Variants in G3BP2 observed in about 807,000 individuals in gnomAD.
The protein encoded by G3BP2 is ras GTPase-activating protein-binding protein 2.
A neutral mutation model predicts 56.7 loss-of-function variants in G3BP2; 11 were observed. The observed-to-expected ratio is 0.19, with a 90% CI of 0.12 to 0.32. The LOEUF is 0.32. G3BP2 is among the 10% of genes least tolerant of loss of function. G3BP2 has a pLI of 1.00. For synonymous variants in G3BP2, 165 were observed against 191.6 expected (o/e 0.86, Z 1.15); for missense variants, 340 against 610.9 (o/e 0.56, Z 4.67).
chr4:75,676,942 CCTTT>C (rs1733898805), upstream of G3BP2, among the ~76,000 whole-genome samples: 1 of 149,044 alleles, frequency 6.7e-6, no homozygotes, highest in Admixed American at 6.7e-5. Flanking sequence ...GCCAGCTCTT[CCTTT>C]GACATTCTCA....
At chr4:75,673,517 G>A (rs1733691789), upstream of G3BP2, 5 of 1,232,146 alleles carry the variant, frequency 4.1e-6, no homozygotes, top group Non-Finnish European at 5.1e-6. Context: ...CTCCAGAGCC[G>A]GACCCAACCT....
chr4:75,645,113 G>T lies in G3BP2; in HGVS notation c.*317C>A, dbSNP rs888780744. On this transcript the variant is annotated 3_prime_UTR_variant, in exon 12 of 12. Transcript: ENST00000359707. ...CACTTAAACAAAATGTGCAGCAGAA[G>T]ATTTTTTTTTTACTCAAAGGACCTG... 1.7e-5 allele frequency: 5 copies of T among 291,702 alleles called. No individual in the cohort carries two copies. The highest frequency in any genetic ancestry group is 8.8e-5 in the African/African-American group (4 of 45,418). The allele number at this position is 291,702 out of a possible 1,614,324, so 18.1% of individuals were successfully genotyped here.
At chr4:75,688,126 C>T (rs1188605349) in intron 3 of G3BP2, among the ~76,000 whole-genome samples, 1 of 152,080 alleles carries the variant, frequency 6.6e-6, no homozygotes, top group Non-Finnish European at 1.5e-5. Flanking sequence ...ATTTTGCTGG[C>T]TTATGGTCTC....
chr4:75,690,419 C>G (rs1367080883), intron 3 of G3BP2, among the ~76,000 whole-genome samples: 2 of 136,676 alleles, frequency 1.5e-5, no homozygotes, highest in Non-Finnish European at 3.1e-5. Context: ...GCAACAAGAG[C>G]AAAACTCCAT....
Position 75,657,737 on chromosome 4 carries a change from TAGGG to T in G3BP2, c.178-11_178-8del. ...ATACTTTGTGGTGTATATCCTTTAT[TAGGG>T]AGGGAGGGAAAAATATAAACTCTGT... On this transcript the variant is annotated splice_polypyrimidine_tract_variant and splice_region_variant and intron_variant, in intron 3 of 11. Coordinates refer to ENST00000359707, the MANE Select transcript of G3BP2 (RefSeq NM_203505.3). 1 of 1,587,430 alleles carries T rather than the reference TAGGG, an allele frequency of 6.3e-7. No homozygotes were observed. Among genetic ancestry groups the T allele is most frequent in the Non-Finnish European group, 8.6e-7 (1 of 1,158,926 alleles).
At chr4:75,707,261 A>T (rs935899286) in intron 3 of G3BP2, among the ~76,000 whole-genome samples, 9 of 152,082 alleles carry the variant, frequency 5.9e-5, no homozygotes, top group Admixed American at 1.3e-4. Flanking sequence ...CCAGCCCTCA[A>T]ATAAAAACTA....
intron 3 of G3BP2, among the ~76,000 whole-genome samples, chr4:75,681,848 CA>C (rs149053660): frequency 1.6e-3 from 190 of 117,442 alleles, no homozygotes; most frequent in Admixed American, 3.7e-3. Context: ...GACTCCATCT[CA>C]AAAAAAAAAA....
In G3BP2 at chr4:75,706,677, CA is replaced by C. The variant is rs34804568; in HGVS notation, c.-25+14199del. The stretch of plus-strand genomic sequence containing the variant: ...GGGCAACAAGAGCGAAACTCTATCT[CA>C]AAAAAAAAAAAAAAAAGAATGAGCA... On this transcript the variant is annotated intron_variant, in intron 3 of 3. Coordinates refer to the G3BP2 transcript ENST00000499709. Among the ~76,000 whole-genome samples the C allele has an allele frequency of 6.1e-3, 722 of 118,810 alleles. 5 individuals carry two copies. Among genetic ancestry groups the C allele is most frequent in the African/African-American group, 0.02 (596 of 29,306 alleles). The allele number at this position is 118,810 out of a possible 152,430, so 77.9% of individuals were successfully genotyped here.
chr4:75,648,068 G>C (rs1392427854), intron 9 of G3BP2, among the ~76,000 whole-genome samples: 1 of 152,148 alleles, frequency 6.6e-6, no homozygotes, highest in Admixed American at 6.5e-5. Flanking sequence ...CCAGTGACTA[G>C]GCCGGGCACA....
intron 1 of G3BP2, among the ~76,000 whole-genome samples, chr4:75,723,001 T>G (rs1057176411): frequency 6.6e-6 from 1 of 152,218 alleles, no homozygotes; most frequent in African/African-American, 2.4e-5. Flanking sequence ...TAGCAAGCAT[T>G]TATTCAATGT....
At chr4:75,713,565 T>C (rs1719829496) in intron 3 of G3BP2, among the ~76,000 whole-genome samples, 1 of 152,122 alleles carries the variant, frequency 6.6e-6, no homozygotes, top group Non-Finnish European at 1.5e-5. Context: ...GAGGATTGCT[T>C]TAGGCCAGGA....
intron 3 of G3BP2, among the ~76,000 whole-genome samples, chr4:75,708,826 T>C (rs985908509): frequency 1.3e-5 from 2 of 151,850 alleles, no homozygotes; most frequent in South Asian, 4.2e-4. Flanking sequence ...CAAAAATAGC[T>C]GGGTCCAGGC....
At chr4:75,708,171 T>C (rs1719624884) in intron 3 of G3BP2, among the ~76,000 whole-genome samples, 1 of 152,184 alleles carries the variant, frequency 6.6e-6, no homozygotes, top group Non-Finnish European at 1.5e-5. Flanking sequence ...GTCAGGACCT[T>C]TTCCTTGCCC....
chr4:75,680,108 C>T (rs1172405722), intron 3 of G3BP2, among the ~76,000 whole-genome samples: 2 of 152,172 alleles, frequency 1.3e-5, no homozygotes, highest in African/African-American at 4.8e-5. Flanking sequence ...ATCCAATTCT[C>T]TCCTCACCAA....
In G3BP2 at chr4:75,643,935, T is replaced by C. The variant is rs1255436331; in HGVS notation, c.*1495A>G. 2 of 152,634 alleles carry C rather than the reference T, an allele frequency of 1.3e-5. No individual in the cohort carries two copies. Among genetic ancestry groups the C allele is most frequent in the African/African-American group, 2.4e-5 (1 of 41,450 alleles). The allele number at this position is 152,634 out of a possible 1,614,324, so 9.5% of individuals were successfully genotyped here. A position where few individuals can be genotyped will look rare whatever the true frequency, so the allele number is the denominator to read the frequency against. ...GACAATAATCCAGCAGCTACAAACT[T>C]TGCTCACAGAATTGTTTAAAGATTC... On this transcript the variant is annotated 3_prime_UTR_variant, in exon 12 of 12. Coordinates refer to ENST00000359707, the MANE Select transcript of G3BP2 (RefSeq NM_203505.3).
upstream of G3BP2, among the ~76,000 whole-genome samples, chr4:75,675,910 CCTCT>C (rs546107320): frequency 5.1e-4 from 78 of 152,142 alleles, no homozygotes; most frequent in African/African-American, 1.6e-3. Flanking sequence ...GTTGCATATT[CCTCT>C]CTCTCTCGCA....
chr4:75,708,750 C>T (rs559571712), intron 3 of G3BP2, among the ~76,000 whole-genome samples: 2 of 151,728 alleles, frequency 1.3e-5, no homozygotes, highest in Admixed American at 6.6e-5. Flanking sequence ...GCAGGAGGAT[C>T]GCTTGCACTG....
At chr4:75,716,859 C>T (rs1167837130) in intron 3 of G3BP2, among the ~76,000 whole-genome samples, 2 of 152,132 alleles carry the variant, frequency 1.3e-5, no homozygotes, top group East Asian at 1.9e-4. Context: ...GGTGTTTGTG[C>T]GATCCTGTAA....
intron 3 of G3BP2, among the ~76,000 whole-genome samples, chr4:75,688,357 T>C (rs928966721): frequency 6.6e-6 from 1 of 152,186 alleles, no homozygotes; most frequent in African/African-American, 2.4e-5. Flanking sequence ...TTAAGATTGA[T>C]AGAGGTTCGG....
Sources: gnomAD v4.1 joint callset for allele counts (sites outside exome capture counted in the v4.1 genomes callset) on GRCh38, gnomAD v4.1.1 for gene constraint, MANE v1.5 for transcripts, NCBI Gene and HGNC (gene_info 2026-07-23, HGNC 2026-07-21) for gene names.